PTCH1: variants seen among roughly 807,000 people sequenced by gnomAD.
The protein encoded by PTCH1 is protein patched homolog 1.
In PTCH1, 14 loss-of-function variants were observed where a neutral mutation model predicts 144.6. The observed-to-expected ratio is 0.10, with a 90% confidence interval of 0.06 to 0.15. The LOEUF (loss-of-function observed/expected upper bound fraction) is 0.15, where lower values mean the gene tolerates loss of function less well. Ranked by LOEUF, PTCH1 falls within the 10% of genes least tolerant of loss-of-function variation. PTCH1 has a pLI of 1.00. For missense variants in PTCH1, 1,623 were observed against 1,948.3 expected, an observed-to-expected ratio of 0.83 and a Z score of 3.14; for synonymous variants, 833 against 793.6, an observed-to-expected ratio of 1.05 and a Z score of -0.83.
chr9:95,497,868 T>G (rs1842889733), intron 2 of PTCH1, among the ~76,000 whole-genome samples: 2 of 152,202 alleles, frequency 1.3e-5, no homozygotes. Context: ...CAACCACCAC[T>G]GGGCTCACTA....
intron 2 of PTCH1, among the ~76,000 whole-genome samples, chr9:95,504,147 T>C (rs894476117): frequency 3.4e-5 from 5 of 148,636 alleles, no homozygotes; most frequent in African/African-American, 1.2e-4. Flanking sequence ...GCTCAACAAG[T>C]GACAGTATTA....
chr9:95,443,492 A>C lies in PTCH1; in HGVS notation c.*2901T>G, dbSNP rs1205759760. ...CATTAATTATTTAGAGAGTTTGTAC[A>C]TTTTCACCTTCCAAGGTTTGAAATG... On this transcript the variant is annotated 3_prime_UTR_variant, in exon 24 of 24. Transcript: ENST00000331920. 2.0e-5 allele frequency: 3 copies of C among 152,658 alleles called. No homozygotes were observed. The highest frequency in any genetic ancestry group is 7.2e-5 in the African/African-American group (3 of 41,464). 9.5% of individuals were successfully genotyped at this position (152,658 alleles called of 1,614,324 possible). A position where few individuals can be genotyped will look rare whatever the true frequency, so the allele number is the denominator to read the frequency against.
Position 95,516,362 on chromosome 9 carries a change from C to A in PTCH1, c.3+107G>T, listed in dbSNP as rs28591501. On this transcript the variant is annotated intron_variant, in intron 1 of 22. Transcript: ENST00000430669. ...TGCCCGGCGCTCGGGGCTCGCTCCTCCGTCCGCCGCGCGGGGCGTCCCGCG... is the reference window on the plus strand; with the variant it reads ...TGCCCGGCGCTCGGGGCTCGCTCCTACGTCCGCCGCGCGGGGCGTCCCGCG... 307,750 of 912,274 alleles carry A rather than the reference C, an allele frequency of 0.34. 53,813 individuals are homozygous for A. The highest frequency in any genetic ancestry group is 0.5 in the African/African-American group (27,793 of 56,022). The allele number at this position is 912,274 out of a possible 1,614,324, so 56.5% of individuals were successfully genotyped here. A position where few individuals can be genotyped will look rare whatever the true frequency, so the allele number is the denominator to read the frequency against.
chr9:95,483,177 G>C (rs1245852693), intron 3 of PTCH1: 1 of 151,968 alleles, frequency 6.6e-6, no homozygotes, highest in African/African-American at 2.4e-5. Flanking sequence ...CAGAGGTGGA[G>C]GATCACTTGA....
upstream of PTCH1, among the ~76,000 whole-genome samples, chr9:95,512,248 C>T (rs1198451122): frequency 6.6e-6 from 1 of 152,218 alleles, no homozygotes; most frequent in Non-Finnish European, 1.5e-5. Flanking sequence ...TGCCCTGAGC[C>T]CCCTCGCCCG....
intron 8 of PTCH1, 80 bp downstream of exon 8, chr9:95,478,919 GA>G: frequency 1.3e-6 from 2 of 1,598,164 alleles, no homozygotes; most frequent in Non-Finnish European, 1.7e-6. Flanking sequence ...AAAGCGAATG[GA>G]AAGAAATGTT....
In PTCH1 at chr9:95,446,351, G is replaced by T. The variant is rs767210550; in HGVS notation, c.*42C>A. On this transcript the variant is annotated 3_prime_UTR_variant, in exon 24 of 24. Transcript: ENST00000331920. ...TTCTGGAAAGAGGTGGGGGTGGGGG[G>T]TTTCCAATCTTTGGCCTCTTTGCTT... 1 of 518,150 alleles carries T rather than the reference G, an allele frequency of 1.9e-6. No homozygotes were observed. Among genetic ancestry groups the T allele is most frequent in the Non-Finnish European group, 3.9e-6 (1 of 259,612 alleles). 32.1% of individuals were successfully genotyped at this position (518,150 alleles called of 1,614,324 possible). A position where few individuals can be genotyped will look rare whatever the true frequency, so the allele number is the denominator to read the frequency against.
rs947530317 is a variant in PTCH1 at position 95,478,487 on chromosome 9, G to C, written c.1216-301C>G. On this transcript the variant is annotated intron_variant, in intron 8 of 23. Coordinates refer to ENST00000331920, the MANE Select transcript of PTCH1 (RefSeq NM_000264.5). ...GGCTGAGACTGCTCGTCTCTTCTCCGTTAACTTCACAATTGACTTGCGGTC... is the reference window on the plus strand; with the variant it reads ...GGCTGAGACTGCTCGTCTCTTCTCCCTTAACTTCACAATTGACTTGCGGTC... Among the ~76,000 whole-genome samples the C allele has an allele frequency of 1.4e-4, 22 of 152,100 alleles. 1 individual carries two copies. The highest frequency in any genetic ancestry group is 1.2e-3 in the Admixed American group (19 of 15,270).
intron 2 of PTCH1, chr9:95,494,425 A>G (rs1331379837): frequency 2.0e-6 from 2 of 985,332 alleles, no homozygotes; most frequent in African/African-American, 3.5e-5. Flanking sequence ...CACACTGGCA[A>G]ATGAGGGCTG....
At position 95,508,568 on chromosome 9, in the gene PTCH1, GGCCGCT is replaced by G. The variant is rs998997247; in HGVS notation, c.-213_-208del. 1.0e-6 allele frequency: 1 copy of G among 1,001,980 alleles called. No homozygotes were observed. Among genetic ancestry groups the G allele is most frequent in the Non-Finnish European group, 1.2e-6 (1 of 841,068 alleles). 62.1% of individuals were successfully genotyped at this position (1,001,980 alleles called of 1,614,324 possible). On this transcript the variant is annotated 5_prime_UTR_variant, in exon 1 of 24. Coordinates refer to ENST00000331920, the MANE Select transcript of PTCH1 (RefSeq NM_000264.5). ...CGGGCGCTGCTGCCGCTGCGGCCGC[GGCCGCT>G]GCCGGGGAGTCAGACCCTGCGCCTT...
At chr9:95,472,368 GT>G (rs71498964) in intron 12 of PTCH1, among the ~76,000 whole-genome samples, 35,711 of 152,076 alleles carry the variant, frequency 0.23, 4,448 homozygotes, top group African/African-American at 0.27. Context: ...AGAACCGGGA[GT>G]TTTGTGAGAT....
At chr9:95,498,750 C>T (rs60031743) in intron 2 of PTCH1, among the ~76,000 whole-genome samples, 1 of 152,126 alleles carries the variant, frequency 6.6e-6, no homozygotes, top group Admixed American at 6.5e-5. Context: ...ATTTTGATGA[C>T]CCTGATTATA....
chr9:95,446,145 G>A lies in PTCH1; in HGVS notation c.*248C>T, dbSNP rs576591779. ...CTGTGGCCTCCACACTCTGGGGCAG[G>A]AGTGGAGAAGCCCCAGATCATACCA... On this transcript the variant is annotated 3_prime_UTR_variant, in exon 24 of 24. Transcript: ENST00000331920. The A allele has an allele frequency of 9.8e-5, 30 of 304,848 alleles. No individual in the cohort carries two copies. The highest frequency in any genetic ancestry group is 9.0e-4 in the South Asian group (29 of 32,084). The allele number at this position is 304,848 out of a possible 1,614,324, so 18.9% of individuals were successfully genotyped here.
upstream of PTCH1, among the ~76,000 whole-genome samples, chr9:95,510,831 C>T (rs1309236008): frequency 4.6e-5 from 7 of 151,400 alleles, no homozygotes; most frequent in East Asian, 1.2e-3. Flanking sequence ...GCCACGTGAC[C>T]CCGCGCCAGG....
At chr9:95,506,247 TG>T in intron 2 of PTCH1, 159 bp downstream of exon 2, 2 of 823,348 alleles carry the variant, frequency 2.4e-6, no homozygotes, top group Non-Finnish European at 3.6e-6. Context: ...CGGGCGGGCC[TG>T]GCTCCCGGCC....
chr9:95,482,384 C>T (rs1429607576), intron 3 of PTCH1, 181 bp from the exon 4 acceptor site: 5 of 625,038 alleles, frequency 8.0e-6, no homozygotes, highest in Admixed American at 5.7e-5. Context: ...ATAGATAATA[C>T]TCAATCGTAA....
intron 3 of PTCH1, chr9:95,482,604 T>C: frequency 3.4e-6 from 1 of 295,224 alleles, no homozygotes; most frequent in Non-Finnish European, 6.5e-6. Context: ...CATACTCAGG[T>C]GCGGAGATGT....
upstream of PTCH1, among the ~76,000 whole-genome samples, chr9:95,513,639 A>C (rs1004437407): frequency 8.5e-5 from 13 of 152,226 alleles, no homozygotes; most frequent in African/African-American, 2.9e-4. Flanking sequence ...AGAATGCCTT[A>C]CTATTTTCTC....
chr9:95,491,330 G>C (rs890835010), intron 2 of PTCH1, among the ~76,000 whole-genome samples: 5 of 152,212 alleles, frequency 3.3e-5, no homozygotes, highest in Non-Finnish European at 5.9e-5. Context: ...GAGAGATCTA[G>C]GACAAGTCCC....
Sources: gnomAD v4.1 joint callset for allele counts (sites outside exome capture counted in the v4.1 genomes callset) on GRCh38, gnomAD v4.1.1 for gene constraint, MANE v1.5 for transcripts, NCBI Gene and HGNC (gene_info 2026-07-23, HGNC 2026-07-21) for gene names.